Variants in MAP3K19 observed in about 807,000 individuals in gnomAD.
MAP3K19 encodes the protein mitogen-activated protein kinase kinase kinase 19.
Under a neutral mutation model 114.4 loss-of-function variants are expected in MAP3K19, and 91 were observed. The observed-to-expected ratio is 0.80, with a 90% confidence interval of 0.67 to 0.95. The LOEUF is 0.95. Among genes scored for constraint, MAP3K19 ranks in the 40% least tolerant of loss-of-function variants. The pLI, the probability that MAP3K19 is intolerant of heterozygous loss-of-function variation, is 0.00. For missense variants in MAP3K19, 1,471 were observed against 1,573.2 expected, an observed-to-expected ratio of 0.94 and a Z score of 1.10; for synonymous variants, 518 against 530.5, an observed-to-expected ratio of 0.98 and a Z score of 0.32.
Position 135,024,726 on chromosome 2 carries a change from A to G in MAP3K19, c.-79T>C. 7.6e-7 allele frequency: 1 copy of G among 1,307,384 alleles called. No homozygotes were observed. Among genetic ancestry groups the G allele is most frequent in the African/African-American group, 1.5e-5 (1 of 68,370 alleles). 81.0% of individuals were successfully genotyped at this position (1,307,384 alleles called of 1,614,324 possible). Reference sequence around the variant, plus strand: ...GTATTGCTGATTTTCCACTAAAATCACAAAGTTTAGGATCTCTAGGAAGAA... The same window carrying G: ...GTATTGCTGATTTTCCACTAAAATCGCAAAGTTTAGGATCTCTAGGAAGAA... On this transcript the variant is annotated 5_prime_UTR_variant, in exon 4 of 13. Coordinates refer to ENST00000392915, the MANE Select transcript of MAP3K19 (RefSeq NM_025052.5).
rs61309665 is a variant in MAP3K19 at position 135,039,123 on chromosome 2, CT to C, written c.-284+1239del. ...GGTGCTTGTTTCATTAATTTTCTTT[CT>C]TTTTTTTTTTTTTTTTTTAGCATAT... On this transcript the variant is annotated intron_variant, in intron 2 of 12. Coordinates refer to ENST00000392915, the MANE Select transcript of MAP3K19 (RefSeq NM_025052.5). Among the ~76,000 whole-genome samples, 703 of 112,466 alleles carry C rather than the reference CT, an allele frequency of 6.3e-3. 2 individuals are homozygous for C. Among genetic ancestry groups the C allele is most frequent in the Middle Eastern group, 0.025 (5 of 200 alleles). The allele number at this position is 112,466 out of a possible 152,430, so 73.8% of individuals were successfully genotyped here.
chr2:134,990,339 G>A (rs1280684545), intron 9 of MAP3K19, among the ~76,000 whole-genome samples: 1 of 152,072 alleles, frequency 6.6e-6, no homozygotes, highest in East Asian at 1.9e-4. Flanking sequence ...AAGCCCTCCT[G>A]TTCCTCCTCG....
At chr2:134,991,602 C>T in intron 8 of MAP3K19, 22 bp from the exon 9 acceptor site, 1 of 1,594,946 alleles carries the variant, frequency 6.3e-7, no homozygotes, top group African/African-American at 1.3e-5. Flanking sequence ...AAAACAATAA[C>T]TGGATATTCT....
In MAP3K19 at chr2:134,999,288, G is replaced by A. The variant is rs895917144; in HGVS notation, c.315-291C>T. The stretch of plus-strand genomic sequence containing the variant: ...ATCAGAGACCAAGGGCAGGCCTGGG[G>A]GATGTACCCTTTTATCTCCACAGGT... On this transcript the variant is annotated intron_variant, in intron 7 of 12. Coordinates refer to ENST00000392915, the MANE Select transcript of MAP3K19 (RefSeq NM_025052.5). The surrounding 1 kb of genome is among the most constrained non-coding windows in gnomAD (Gnocchi z 4.1). Among the ~76,000 whole-genome samples, 1 of 152,094 alleles carries A rather than the reference G, an allele frequency of 6.6e-6. No individual in the cohort carries two copies. Among genetic ancestry groups the A allele is most frequent in the Admixed American group, 6.6e-5 (1 of 15,258 alleles).
At chr2:135,004,436 C>T (rs780059304) in intron 6 of MAP3K19, among the ~76,000 whole-genome samples, 1 of 152,150 alleles carries the variant, frequency 6.6e-6, no homozygotes, top group Non-Finnish European at 1.5e-5. Context: ...CAGGAGAGGG[C>T]AGCATCGCAC....
intron 2 of MAP3K19, among the ~76,000 whole-genome samples, chr2:135,037,993 G>A (rs1194673830): frequency 6.6e-6 from 1 of 152,212 alleles, no homozygotes; most frequent in Non-Finnish European, 1.5e-5. Flanking sequence ...TTAGCTGCGA[G>A]TAGGGTAAAA....
In MAP3K19 at chr2:134,985,841, G is replaced by A. The variant is rs148336430; in HGVS notation, c.3031C>T (p.Pro1011Ser). ...NLVLRWRGSTPKEMGRETTKV... is the reference protein window; with the variant it reads ...NLVLRWRGSTSKEMGRETTKV... ...GTTGTCTCTCTGCCCATTTCTTTTGGGGTACTTCCTCTCCATCTGAGGACA... is the reference window on the plus strand; with the variant it reads ...GTTGTCTCTCTGCCCATTTCTTTTGAGGTACTTCCTCTCCATCTGAGGACA... The change falls in exon 10 of 13, where the codon CCA (proline) becomes TCA (serine). Residue 1011 changes from proline to serine, a missense_variant. Transcript: ENST00000392915. 5.8e-4 allele frequency: 941 copies of A among 1,612,318 alleles called. 21 individuals carry two copies. In the East Asian group the frequency reaches 0.021, roughly 35 times the overall value.
Position 134,987,567 on chromosome 2 carries a change from T to C in MAP3K19, c.1305A>G (p.Glu435=), listed in dbSNP as rs202124821. ...ATAAGCTTTTAAGTACAGTACACTC[T>C]TCTAAAATATTGTTTGGTTCCATTG... ...NEAMEPNNIL[E]ECTVLKSLSS... is the part of the protein sequence containing the mutation. Residue 435 remains glutamate (E), a synonymous_variant, in exon 10 of 13, where the codon GAA becomes GAG. Coordinates refer to ENST00000392915, the MANE Select transcript of MAP3K19 (RefSeq NM_025052.5). 2.0e-5 allele frequency: 32 copies of C among 1,614,188 alleles called. No individual in the cohort carries two copies. In the East Asian group the frequency reaches 6.9e-4, roughly 35 times the overall value.
chr2:135,028,197 C>G (rs893429014), intron 3 of MAP3K19, among the ~76,000 whole-genome samples: 2 of 152,130 alleles, frequency 1.3e-5, no homozygotes, highest in Non-Finnish European at 2.9e-5. Context: ...AAGTACTTAG[C>G]AGAGTGTCTA....
At chr2:134,979,856 A>G (rs935788310) in intron 12 of MAP3K19, among the ~76,000 whole-genome samples, 1 of 152,166 alleles carries the variant, frequency 6.6e-6, no homozygotes, top group African/African-American at 2.4e-5. Flanking sequence ...AGAGACTGAA[A>G]GAGAGGCACA....
intron 12 of MAP3K19, among the ~76,000 whole-genome samples, 178 bp from the exon 13 acceptor site, chr2:134,965,094 C>T (rs1018428343): frequency 9.2e-5 from 14 of 152,220 alleles, no homozygotes; most frequent in African/African-American, 3.4e-4. Context: ...GACTAAAACT[C>T]TCTTCATCAG....
intron 8 of MAP3K19, among the ~76,000 whole-genome samples, chr2:134,995,979 A>G (rs1685955918): frequency 6.6e-6 from 1 of 152,008 alleles, no homozygotes; most frequent in Non-Finnish European, 1.5e-5. Context: ...GAGGTCTGTC[A>G]CCCAGGCTGG....
At chr2:135,040,641 C>T (rs1192473385) in intron 1 of MAP3K19, 139 bp from the exon 2 acceptor site, 2 of 152,452 alleles carry the variant, frequency 1.3e-5, no homozygotes, top group Non-Finnish European at 2.9e-5. Context: ...TTTACTGCCA[C>T]CTGTTTCCTT....
intron 5 of MAP3K19, among the ~76,000 whole-genome samples, chr2:135,021,065 C>T (rs769772961): frequency 4.6e-5 from 7 of 152,132 alleles, no homozygotes; most frequent in Non-Finnish European, 7.3e-5. Flanking sequence ...AAACAATATT[C>T]TGTGGTACTG....
At chr2:135,043,042 C>CTGGGCA (rs1558748420) in intron 1 of MAP3K19, among the ~76,000 whole-genome samples, 2 of 152,064 alleles carry the variant, frequency 1.3e-5, no homozygotes, top group Non-Finnish European at 2.9e-5. Flanking sequence ...GAGATCAAAC[C>CTGGGCA]ACTGCGCTCC....
At chr2:135,028,935 A>G (rs1419541129) in intron 3 of MAP3K19, among the ~76,000 whole-genome samples, 3 of 152,192 alleles carry the variant, frequency 2.0e-5, no homozygotes, top group Non-Finnish European at 2.9e-5. Context: ...ATTAGTTAGA[A>G]CCAATATGAA....
intron 5 of MAP3K19, among the ~76,000 whole-genome samples, chr2:135,016,345 T>C (rs1330548470): frequency 6.6e-6 from 1 of 152,220 alleles, no homozygotes; most frequent in Non-Finnish European, 1.5e-5. Context: ...GCATGAACTT[T>C]GTCATAAATC....
At chr2:135,009,916 G>A (rs1687102293) in intron 5 of MAP3K19, among the ~76,000 whole-genome samples, 1 of 151,968 alleles carries the variant, frequency 6.6e-6, no homozygotes, top group African/African-American at 2.4e-5. Flanking sequence ...CAACTCTAAA[G>A]TTAGGATCTA....
intron 12 of MAP3K19, among the ~76,000 whole-genome samples, chr2:134,966,552 A>G (rs1683362589): frequency 6.6e-6 from 1 of 152,218 alleles, no homozygotes; most frequent in South Asian, 2.1e-4. Context: ...AAGAGCCCCA[A>G]AGCTTCTACG....
Sources: gnomAD v4.1 joint callset for allele counts (sites outside exome capture counted in the v4.1 genomes callset) on GRCh38, gnomAD v4.1.1 for gene constraint, Gnocchi (gnomAD v3.1) non-coding constraint, MANE v1.5 for transcripts, NCBI Gene and HGNC (gene_info 2026-07-23, HGNC 2026-07-21) for gene names.